CACNA1H: variants seen among roughly 807,000 people sequenced by gnomAD.
CACNA1H encodes the protein voltage-dependent T-type calcium channel subunit alpha-1H.
CACNA1H carries 149 observed loss-of-function variants against 192.5 expected under a neutral mutation model. The observed-to-expected ratio is 0.77, with a 90% CI of 0.68 to 0.89. The LOEUF (loss-of-function observed/expected upper bound fraction) is 0.89. CACNA1H is among the 40% of genes least tolerant of loss of function. CACNA1H has a pLI of 0.00. For synonymous variants in CACNA1H, 2,202 were observed against 1,475.2 expected (o/e 1.49, Z -11.29); for missense variants, 4,257 against 3,423.5 (o/e 1.24, Z -6.08).
chr16:1,202,410 C>G lies in CACNA1H; in HGVS notation c.1960C>G (p.Pro654Ala). The G allele has an allele frequency of 6.5e-7, 1 of 1,529,140 alleles. No homozygotes were observed. Among genetic ancestry groups the G allele is most frequent in the Admixed American group, 2.0e-5 (1 of 49,506 alleles). The allele number at this position is 1,529,140 out of a possible 1,614,324, so 94.7% of individuals were successfully genotyped here. A position where few individuals can be genotyped will look rare whatever the true frequency, so the allele number is the denominator to read the frequency against. Residue 654 changes from proline to alanine, a missense_variant, in exon 9 of 35, where the codon CCT becomes GCT. By Grantham distance (27) the Pro-to-Ala change is conservative (BLOSUM62 -1). Coordinates refer to ENST00000348261, the MANE Select transcript of CACNA1H (RefSeq NM_021098.3). ...GCACGGCCCGTTGAGCTTGAACAGC[C>G]CTGATCCCTACGAGAAGATCCCGCA... ...GGHGPLSLNS[P>A]DPYEKIPHVV...
chr16:1,210,820 G>C lies in CACNA1H; in HGVS notation c.4072G>C (p.Ala1358Pro). The C allele has an allele frequency of 6.2e-7, 1 of 1,603,220 alleles. No individual in the cohort carries two copies. The highest frequency in any genetic ancestry group is 8.5e-7 in the Non-Finnish European group (1 of 1,179,718). Residue 1358 changes from alanine (A) to proline (P), a missense_variant, in exon 21 of 35, where the codon GCC (alanine) becomes CCC (proline). Ala to Pro is a conservative substitution (Grantham distance 27). Transcript: ENST00000348261. ...VALGLLSGEHAYLQSSWNLLD... is the reference protein window; with the variant it reads ...VALGLLSGEHPYLQSSWNLLD... Reference sequence around the variant, plus strand: ...CCTGGGGCTGCTGTCCGGCGAGCACGCCTACCTGCAGAGCAGCTGGAACCT... The same window carrying C: ...CCTGGGGCTGCTGTCCGGCGAGCACCCCTACCTGCAGAGCAGCTGGAACCT...
In CACNA1H at chr16:1,221,362, C is replaced by T. The variant is rs904072858; in HGVS notation, c.*368C>T. ...TCAGGCCCCGCGTTGTTACAGGACA[C>T]TCGCTGGGGGCCCTGTGCCCTTGCC... On this transcript the variant is annotated 3_prime_UTR_variant, in exon 35 of 35. Transcript: ENST00000348261. The T allele has an allele frequency of 1.8e-5, 6 of 324,432 alleles. No homozygotes were observed. The highest frequency in any genetic ancestry group is 3.4e-5 in the Non-Finnish European group (6 of 177,798). 20.1% of individuals were successfully genotyped at this position (324,432 alleles called of 1,614,324 possible). A position where few individuals can be genotyped will look rare whatever the true frequency, so the allele number is the denominator to read the frequency against.
At chr16:1,212,615 T>A (rs1486059651) in intron 26 of CACNA1H, 87 bp downstream of exon 26, 11 of 1,489,464 alleles carry the variant, frequency 7.4e-6, no homozygotes, top group Non-Finnish European at 9.1e-6. Flanking sequence ...GCTGGGGTCC[T>A]CCGCAGGGTG....
Position 1,195,496 on chromosome 16 carries a change from G to T in CACNA1H, c.476G>T (p.Gly159Val). The T allele has an allele frequency of 6.3e-7, 1 of 1,597,766 alleles. No homozygotes were observed. The highest frequency in any genetic ancestry group is 8.5e-7 in the Non-Finnish European group (1 of 1,172,218). ...VEMVIKMVAL[G>V]LFGQKCYLGD... ...ATGGTCATCAAGATGGTGGCCTTGG[G>T]GCTGTTCGGGCAGAAGTGTTACCTG... Residue 159 changes from glycine to valine, a missense_variant, in exon 4 of 35, where the codon GGG becomes GTG. By Grantham distance (109) the Gly-to-Val change is moderately radical. Transcript: ENST00000348261.
In CACNA1H at chr16:1,185,656, GCA is replaced by G. The variant is rs1249449222; in HGVS notation, c.300-9315_300-9314del. Among the ~76,000 whole-genome samples, 103 of 94,856 alleles carry G rather than the reference GCA, an allele frequency of 1.1e-3. 12 individuals are homozygous for G. The highest frequency in any genetic ancestry group is 6.2e-3 in the East Asian group (15 of 2,430). The allele number at this position is 94,856 out of a possible 152,430, so 62.2% of individuals were successfully genotyped here. A position where few individuals can be genotyped will look rare whatever the true frequency, so the allele number is the denominator to read the frequency against. ...GGGCGGGCGAGTAGACGGTCGGCATGCATAGGGGCCGGAGGCGGGGTGTGTAC... is the reference window on the plus strand; with the variant it reads ...GGGCGGGCGAGTAGACGGTCGGCATGTAGGGGCCGGAGGCGGGGTGTGTAC... On this transcript the variant is annotated intron_variant, in intron 2 of 34. Coordinates refer to ENST00000348261, the MANE Select transcript of CACNA1H (RefSeq NM_021098.3).
rs947765272 is a variant in CACNA1H at position 1,220,479 on chromosome 16, A to C, written c.6547A>C (p.Arg2183=). 6.5e-7 allele frequency: 1 copy of C among 1,545,354 alleles called. No individual in the cohort carries two copies. The highest frequency in any genetic ancestry group is 8.7e-7 in the Non-Finnish European group (1 of 1,154,508). Residue 2183 remains arginine (R), a synonymous_variant, in exon 35 of 35, where the codon AGA becomes CGA. Transcript: ENST00000348261. ...PEAEPALGAR[R]KKKMSPPCIS... Reference sequence around the variant, plus strand: ...GGCCGAGCCCGCTCTGGGTGCGCGCAGAAAGAAGAAGATGAGCCCCCCCTG... The same window carrying C: ...GGCCGAGCCCGCTCTGGGTGCGCGCCGAAAGAAGAAGATGAGCCCCCCCTG...
rs1967693233 is a variant in CACNA1H at position 1,200,352 on chromosome 16, G to A, written c.900G>A (p.Gln300=). ...ICSSRRDNGM[Q]KCSHIPGRRE... is the part of the protein sequence containing the mutation. ...CCTCACGCCGAGACAACGGCATGCA[G>A]AAGTGCTCGCACATCCCCGGCCGCC... Residue 300 remains glutamine, a synonymous_variant, in exon 7 of 35, where the codon CAG becomes CAA. Coordinates refer to ENST00000348261, the MANE Select transcript of CACNA1H (RefSeq NM_021098.3). 1.2e-6 allele frequency: 2 copies of A among 1,601,748 alleles called. No homozygotes were observed. Among genetic ancestry groups the A allele is most frequent in the South Asian group, 2.2e-5 (2 of 89,780 alleles).
Position 1,201,951 on chromosome 16 carries a change from G to A in CACNA1H, c.1501G>A (p.Gly501Arg), listed in dbSNP as rs748811873. 3.1e-5 allele frequency: 48 copies of A among 1,546,700 alleles called. No individual in the cohort carries two copies. Among genetic ancestry groups the A allele is most frequent in the Non-Finnish European group, 3.9e-5 (45 of 1,145,064 alleles). Residue 501 changes from glycine (G) to arginine (R), a missense_variant, in exon 9 of 35, where the codon GGG (glycine) becomes AGG (arginine). By Grantham distance (125) the Gly-to-Arg change is moderately radical. Coordinates refer to ENST00000348261, the MANE Select transcript of CACNA1H (RefSeq NM_021098.3). ...DPSAVQGQGP[G>R]HRQRRAGRHT... ...CAGTGCTGTGCAAGGCCAGGGTCCC[G>A]GGCACCGCCAGCGCCGGGCAGGCAG...
Position 1,206,094 on chromosome 16 carries a change from C to G in CACNA1H, c.2604-10C>G. The G allele has an allele frequency of 6.4e-7, 1 of 1,561,452 alleles. No homozygotes were observed. Among genetic ancestry groups the G allele is most frequent in the Non-Finnish European group, 8.6e-7 (1 of 1,156,318 alleles). ...TGGCCCCGCTGACCCTCGCCCCCAC[C>G]TGTCCGCAGCGTCTGGGAGATCGTG... On this transcript the variant is annotated splice_polypyrimidine_tract_variant and intron_variant, in intron 11 of 34. Coordinates refer to ENST00000348261, the MANE Select transcript of CACNA1H (RefSeq NM_021098.3).
In CACNA1H at chr16:1,186,838, A is replaced by G. The variant is rs144033265; in HGVS notation, c.300-8134A>G. 2.6e-3 allele frequency among the ~76,000 whole-genome samples: 395 copies of G among 152,280 alleles called. 4 individuals carry two copies. The highest frequency in any genetic ancestry group is 9.2e-3 in the African/African-American group (381 of 41,556). Reference sequence around the variant, plus strand: ...GGTTCTCAGGGCCGTGACCACCACCATGACCGGCAGACTTCAGGGCGGTCC... The same window carrying G: ...GGTTCTCAGGGCCGTGACCACCACCGTGACCGGCAGACTTCAGGGCGGTCC... On this transcript the variant is annotated intron_variant, in intron 2 of 34. Transcript: ENST00000348261.
intron 5 of CACNA1H, among the ~76,000 whole-genome samples, chr16:1,197,111 G>C (rs1192201582): frequency 6.6e-6 from 1 of 152,184 alleles, no homozygotes; most frequent in Non-Finnish European, 1.5e-5. Context: ...GGTCATCCTC[G>C]TGCCGCTGGT....
At position 1,210,945 on chromosome 16, in the gene CACNA1H, T is replaced by A; in HGVS notation, c.4197T>A (p.Arg1399=). The change falls in exon 21 of 35, where the codon CGT becomes CGA. Residue 1399 remains arginine (R), a synonymous_variant. Coordinates refer to ENST00000348261, the MANE Select transcript of CACNA1H (RefSeq NM_021098.3). ...TCCTGGGTGTTCTGCGCGTGCTGCGTCTGCTGCGGACCCTGCGGCCTCTGA... is the reference window on the plus strand; with the variant it reads ...TCCTGGGTGTTCTGCGCGTGCTGCGACTGCTGCGGACCCTGCGGCCTCTGA... ...AKILGVLRVL[R]LLRTLRPLRV... is the part of the protein sequence containing the mutation. 6.2e-7 allele frequency: 1 copy of A among 1,600,206 alleles called. No homozygotes were observed. Among genetic ancestry groups the A allele is most frequent in the Non-Finnish European group, 8.5e-7 (1 of 1,179,432 alleles).
rs537055062 is a variant in CACNA1H, at chr16:1,218,001, C to T, written c.5406C>T (p.Phe1802=). 6.2e-7 allele frequency: 1 copy of T among 1,602,450 alleles called. No individual in the cohort carries two copies. The highest frequency in any genetic ancestry group is 1.1e-5 in the South Asian group (1 of 89,102). ...SNFGMAFLTL[F]RVSTGDNWNG... is the part of the protein sequence containing the mutation. ...TCGGCATGGCCTTCCTCACGCTGTT[C>T]CGCGTGTCCACGGGGGACAACTGGA... is the stretch of plus-strand genomic sequence containing the variant. The change falls in exon 32 of 35, where the codon TTC becomes TTT. Residue 1802 remains phenylalanine, a synonymous_variant. Transcript: ENST00000348261.
chr16:1,208,599 C>T (rs1356886805), intron 16 of CACNA1H, among the ~76,000 whole-genome samples: 1 of 152,186 alleles, frequency 6.6e-6, no homozygotes, highest in Non-Finnish European at 1.5e-5. Flanking sequence ...CTCTCTGGGT[C>T]CAGGGGGACT....
chr16:1,169,162 CGGGGTG>C (rs900202091), intron 2 of CACNA1H, among the ~76,000 whole-genome samples: 69 of 2,874 alleles, frequency 0.024, no homozygotes, highest in African/African-American at 0.063. Context: ...CTTCCTGCGG[CGGGGTG>C]GGGGTGGGGG....
chr16:1,219,764 C>T (rs1596479101), intron 34 of CACNA1H, among the ~76,000 whole-genome samples: 2 of 144,458 alleles, frequency 1.4e-5, no homozygotes, highest in Admixed American at 7.0e-5. Context: ...CACAGAGCAG[C>T]GGGTACAGGC....
At chr16:1,206,852 C>T (rs867831413) in intron 12 of CACNA1H, 149 bp from the exon 13 acceptor site, 76 of 581,038 alleles carry the variant, frequency 1.3e-4, no homozygotes, top group Admixed American at 2.5e-4. Flanking sequence ...AGAGCTCGGG[C>T]GCCCAGGGAG....
chr16:1,179,962 C>T (rs1020220013), intron 2 of CACNA1H, among the ~76,000 whole-genome samples: 1 of 152,000 alleles, frequency 6.6e-6, no homozygotes, highest in African/African-American at 2.4e-5. Flanking sequence ...GTGTTGAACT[C>T]CTGACCTCAT....
intron 2 of CACNA1H, among the ~76,000 whole-genome samples, chr16:1,181,932 CT>C (rs879509279): frequency 8.9e-4 from 136 of 152,246 alleles, no homozygotes; most frequent in African/African-American, 3.1e-3. Context: ...TGCATGTCCC[CT>C]TTGCACACAC....
Sources: allele counts gnomAD v4.1 joint callset (sites outside exome capture counted in the v4.1 genomes callset), GRCh38; gene constraint gnomAD v4.1.1; transcripts MANE v1.5; gene names NCBI Gene and HGNC (gene_info 2026-07-23, HGNC 2026-07-21).